Variants in DDX49 observed in about 807,000 individuals in gnomAD.
DDX49 encodes DEAD-box helicase 49, also known as probable ATP-dependent RNA helicase DDX49.
Under a neutral mutation model 56.3 loss-of-function variants are expected in DDX49, and 50 were observed. The ratio of observed to expected loss-of-function variants is 0.89; its 90% CI spans 0.71 to 1.12. The LOEUF (loss-of-function observed/expected upper bound fraction) is 1.12, where lower values mean the gene tolerates loss of function less well. DDX49 is among the 50% of genes most tolerant of loss of function. The pLI is 0.00. For missense variants in DDX49, 614 were observed against 650.5 expected, an observed-to-expected ratio of 0.94 and a Z score of 0.61; for synonymous variants, 269 against 270.6, an observed-to-expected ratio of 0.99 and a Z score of 0.06.
At position 18,928,387 on chromosome 19, in the gene DDX49, G is replaced by T; in HGVS notation, c.*71G>T. ...GAGGGTCGGAGGAACCTTCCTTGGG[G>T]GCAGCAGCCCTTCCCGGGGGCCTAC... On this transcript the variant is annotated 3_prime_UTR_variant, in exon 13 of 13. Transcript: ENST00000247003. 1 of 1,411,038 alleles carries T rather than the reference G, an allele frequency of 7.1e-7. No homozygotes were observed. The highest frequency in any genetic ancestry group is 9.3e-7 in the Non-Finnish European group (1 of 1,072,614). 87.4% of individuals were successfully genotyped at this position (1,411,038 alleles called of 1,614,324 possible).
chr19:18,928,455 G>A lies in DDX49; in HGVS notation c.*139G>A. On this transcript the variant is annotated 3_prime_UTR_variant, in exon 13 of 13. Transcript: ENST00000247003. Reference sequence around the variant, plus strand: ...AACCCGTGGGCGCTCGTGTTGTGCGGGCCCTGCTCCTCTGCCCCGAAACCA... The same window carrying A: ...AACCCGTGGGCGCTCGTGTTGTGCGAGCCCTGCTCCTCTGCCCCGAAACCA... The A allele has an allele frequency of 1.2e-6, 1 of 842,080 alleles. No homozygotes were observed. The highest frequency in any genetic ancestry group is 1.8e-6 in the Non-Finnish European group (1 of 562,012). 52.2% of individuals were successfully genotyped at this position (842,080 alleles called of 1,614,324 possible).
chr19:18,921,811 C>G, intron 3 of DDX49, 32 bp from the exon 4 acceptor site: 1 of 1,614,022 alleles, frequency 6.2e-7, no homozygotes, highest in Non-Finnish European at 8.5e-7. Flanking sequence ...GGACCACCTG[C>G]CCAGCCCTGC....
At chr19:18,923,992 C>T (rs2056939981) in intron 6 of DDX49, among the ~76,000 whole-genome samples, 1 of 151,850 alleles carries the variant, frequency 6.6e-6, no homozygotes, top group Non-Finnish European at 1.5e-5. Context: ...GTTTTTAGTA[C>T]AGATGGGGTT....
chr19:18,924,764 A>G, intron 8 of DDX49, 65 bp downstream of exon 8: 1 of 1,613,438 alleles, frequency 6.2e-7, no homozygotes, highest in East Asian at 2.2e-5. Context: ...CACAGATGAG[A>G]AGGCTGGCCT....
chr19:18,926,808 C>G (rs566865698), intron 10 of DDX49, among the ~76,000 whole-genome samples: 1 of 152,286 alleles, frequency 6.6e-6, no homozygotes, highest in South Asian at 2.1e-4. Flanking sequence ...CACAGTGGCT[C>G]ACACTTGTAA....
At chr19:18,923,166 C>A (rs1601251316) in intron 6 of DDX49, among the ~76,000 whole-genome samples, 1 of 152,258 alleles carries the variant, frequency 6.6e-6, no homozygotes, top group Middle Eastern at 3.4e-3. Flanking sequence ...GGAGGCTCTT[C>A]CAGCATGAGC....
At position 18,924,968 on chromosome 19, in the gene DDX49, C is replaced by T. The variant is rs765629684; in HGVS notation, c.1016C>T (p.Thr339Met). 1.2e-6 allele frequency: 2 copies of T among 1,611,020 alleles called. No individual in the cohort carries two copies. The highest frequency in any genetic ancestry group is 1.3e-5 in the African/African-American group (1 of 75,076). ...ATCTACATCCACCGAGTCGGCCGGACGGCCCGTGCAGGTGAGCAGTGGAGG... is the reference window on the plus strand; with the variant it reads ...ATCTACATCCACCGAGTCGGCCGGATGGCCCGTGCAGGTGAGCAGTGGAGG... ...PKIYIHRVGR[T>M]ARAGRQGQAI... The change falls in exon 9 of 13, where the codon ACG (threonine) becomes ATG (methionine). Residue 339 changes from threonine (T) to methionine (M), a missense_variant. By Grantham distance (81) the Thr-to-Met change is moderately conservative (BLOSUM62 -1). Transcript: ENST00000247003.
rs1183140141 is a variant in DDX49 at position 18,922,750 on chromosome 19, C to CG, written c.776+10dup. The CG allele has an allele frequency of 3.1e-6, 5 of 1,590,258 alleles. No homozygotes were observed. Among genetic ancestry groups the CG allele is most frequent in the Non-Finnish European group, 4.3e-6 (5 of 1,167,734 alleles). On this transcript the variant is annotated splice_region_variant and intron_variant, in intron 6 of 12. Transcript: ENST00000247003. ...ATCTTCACCAACACGTGCAAGTGAG[C>CG]GGGGCCCGCCTCTCCCCTCCCACCG...
At chr19:18,923,877 G>A (rs987959036) in intron 6 of DDX49, among the ~76,000 whole-genome samples, 3 of 147,210 alleles carry the variant, frequency 2.0e-5, no homozygotes, top group African/African-American at 5.0e-5. Flanking sequence ...GCGCAATCTC[G>A]GCTCACTGCA....
At chr19:18,921,610 G>C in intron 2 of DDX49, 53 bp from the exon 3 acceptor site, 1 of 1,545,684 alleles carries the variant, frequency 6.5e-7, no homozygotes, top group Admixed American at 1.7e-5. Flanking sequence ...AGGGGAATGG[G>C]GGGCAGGTCC....
intron 9 of DDX49, among the ~76,000 whole-genome samples, chr19:18,925,645 T>A (rs1424265360): frequency 6.6e-6 from 1 of 152,170 alleles, no homozygotes; most frequent in East Asian, 1.9e-4. Context: ...CCAAGCCAGG[T>A]GATGAACTGA....
intron 12 of DDX49, 33 bp from the exon 13 acceptor site, chr19:18,928,095 A>G (rs2056978772): frequency 6.2e-7 from 1 of 1,608,108 alleles, no homozygotes; most frequent in Admixed American, 1.7e-5. Flanking sequence ...GGGGGCCGCC[A>G]GCTCAGCCAT....
At chr19:18,921,018 G>A (rs575654824) in intron 2 of DDX49, 15 of 180,272 alleles carry the variant, frequency 8.3e-5, no homozygotes, top group South Asian at 5.3e-4. Flanking sequence ...AGCGCATGCC[G>A]TAATCCCAGC....
At position 18,921,689 on chromosome 19, in the gene DDX49, AGTTCCG is replaced by A; in HGVS notation, c.268_273del (p.Phe90_Arg91del). 1 of 1,614,102 alleles carries A rather than the reference AGTTCCG, an allele frequency of 6.2e-7. No homozygotes were observed. The highest frequency in any genetic ancestry group is 8.5e-7 in the Non-Finnish European group (1 of 1,179,996). ...GAGCTGGCCTACCAGATCGCAGAGC[AGTTCCG>A]GGTCCTGGGGAAGCCTCTAGGGCTG... On this transcript the variant is annotated inframe_deletion, in exon 3 of 13. Transcript: ENST00000247003.
chr19:18,921,728 G>A lies in DDX49; in HGVS notation c.305G>A (p.Cys102Tyr), dbSNP rs1157228817. Residue 102 changes from cysteine (C) to tyrosine (Y), a missense_variant, in exon 3 of 13, where the codon TGC (cysteine) becomes TAC (tyrosine). Coordinates refer to ENST00000247003, the MANE Select transcript of DDX49 (RefSeq NM_019070.5). The stretch of plus-strand genomic sequence containing the variant: ...GGGAAGCCTCTAGGGCTGAAAGACT[G>A]CATCATCGTCGGTGGCATGGGTACG... ...VLGKPLGLKD[C>Y]IIVGGMDMVA... 1 of 1,614,020 alleles carries A rather than the reference G, an allele frequency of 6.2e-7. No homozygotes were observed. Among genetic ancestry groups the A allele is most frequent in the Non-Finnish European group, 8.5e-7 (1 of 1,180,010 alleles).
At position 18,928,137 on chromosome 19, in the gene DDX49, C is replaced by G; in HGVS notation, c.1273C>G (p.Leu425Val). The G allele has an allele frequency of 6.2e-7, 1 of 1,607,246 alleles. No individual in the cohort carries two copies. The highest frequency in any genetic ancestry group is 8.5e-7 in the Non-Finnish European group (1 of 1,176,848). Residue 425 changes from leucine to valine, a missense_variant, in exon 13 of 13, where the codon CTG (leucine) becomes GTG (valine). Physicochemically the swap from Leu to Val is conservative, Grantham distance 32 (BLOSUM62 1). Coordinates refer to ENST00000247003, the MANE Select transcript of DDX49 (RefSeq NM_019070.5). ...QLILEGKDPDLEAKRKAELAK... is the reference protein window; with the variant it reads ...QLILEGKDPDVEAKRKAELAK... ...GTCCTCCCTGTGCCAGGACCCTGAC[C>G]TGGAGGCCAAGCGCAAGGCTGAGCT...
At position 18,924,522 on chromosome 19, in the gene DDX49, A is replaced by G. The variant is rs115276776; in HGVS notation, c.853-101A>G. The G allele has an allele frequency of 1.7e-3, 2,369 of 1,364,244 alleles. 29 individuals carry two copies. In the African/African-American group the frequency reaches 0.028, roughly 16 times the overall value. The allele number at this position is 1,364,244 out of a possible 1,614,324, so 84.5% of individuals were successfully genotyped here. On this transcript the variant is annotated intron_variant, in intron 7 of 12. Coordinates refer to ENST00000247003, the MANE Select transcript of DDX49 (RefSeq NM_019070.5). Reference sequence around the variant, plus strand: ...TGACTTCTCATGGCCACCTTCCTCAATGGACGGCTGGGGACTGTCCCGGCC... The same window carrying G: ...TGACTTCTCATGGCCACCTTCCTCAGTGGACGGCTGGGGACTGTCCCGGCC...
chr19:18,927,230 T>C (rs2056968305), intron 10 of DDX49, among the ~76,000 whole-genome samples: 1 of 152,034 alleles, frequency 6.6e-6, no homozygotes, highest in Admixed American at 6.6e-5. Context: ...ACCCTGCCTC[T>C]CCAAAAAATA....
chr19:18,928,407 G>A lies in DDX49; in HGVS notation c.*91G>A, dbSNP rs536930049. On this transcript the variant is annotated 3_prime_UTR_variant, in exon 13 of 13. Transcript: ENST00000247003. ...TTGGGGGCAGCAGCCCTTCCCGGGG[G>A]CCTACCCAGTGCCCCACAGCAGAAC... The A allele has an allele frequency of 8.4e-6, 11 of 1,313,584 alleles. No individual in the cohort carries two copies. In the African/African-American group the frequency reaches 1.6e-4, roughly 20 times the overall value. 81.4% of individuals were successfully genotyped at this position (1,313,584 alleles called of 1,614,324 possible).
Sources: gnomAD v4.1 joint callset for allele counts (sites outside exome capture counted in the v4.1 genomes callset) on GRCh38, gnomAD v4.1.1 for gene constraint, MANE v1.5 for transcripts, NCBI Gene and HGNC (gene_info 2026-07-23, HGNC 2026-07-21) for gene names.